SLC38A6: variants seen among roughly 807,000 people sequenced by gnomAD.
SLC38A6 encodes the protein solute carrier family 38 member 6, also known as N system amino acid transporter NAT-1.
A neutral mutation model predicts 65.0 loss-of-function variants in SLC38A6; 73 were observed. That is an observed-to-expected ratio of 1.12 (90% CI 0.93 to 1.37). The LOEUF (loss-of-function observed/expected upper bound fraction) is 1.37. Ranked by LOEUF, SLC38A6 falls within the 40% of genes most tolerant of loss-of-function variation. The pLI is 0.00. For synonymous variants in SLC38A6, 183 were observed against 178.8 expected, an observed-to-expected ratio of 1.02 and a Z score of -0.19; for missense variants, 561 against 531.1, an observed-to-expected ratio of 1.06 and a Z score of -0.55.
chr14:60,982,228 C>T (rs1184280258), intron 1 of SLC38A6: 4 of 500,238 alleles, frequency 8.0e-6, no homozygotes, highest in Non-Finnish European at 1.6e-5. Flanking sequence ...CTATCTTCAT[C>T]TCTTGCAGTC....
At chr14:61,007,447 T>C (rs1047303211) in intron 3 of SLC38A6, among the ~76,000 whole-genome samples, 1 of 151,988 alleles carries the variant, frequency 6.6e-6, no homozygotes, top group African/African-American at 2.4e-5. Context: ...CTGGGCAACA[T>C]AGTGAAACCC....
At chr14:61,078,860 T>C (rs2139997477) in exon 16 of SLC38A6, 1 of 208,354 alleles carries the variant, frequency 4.8e-6, no homozygotes, top group Non-Finnish European at 9.8e-6. Flanking sequence ...TCTCAGCTCA[T>C]TGCAACCTCT....
At chr14:61,054,963 G>C (rs1377860995), downstream of SLC38A6, among the ~76,000 whole-genome samples, 1 of 151,884 alleles carries the variant, frequency 6.6e-6, no homozygotes, top group Non-Finnish European at 1.5e-5. Context: ...ATGCTTCCAG[G>C]TTTTATCTAT....
chr14:61,046,876 A>G (rs935491174), intron 12 of SLC38A6, among the ~76,000 whole-genome samples: 1 of 152,170 alleles, frequency 6.6e-6, no homozygotes, highest in Non-Finnish European at 1.5e-5. Context: ...GTGCCCTGCT[A>G]GAGACGCTAC....
At chr14:60,993,280 TTAAC>T (rs1164227615) in intron 3 of SLC38A6, among the ~76,000 whole-genome samples, 8 of 152,218 alleles carry the variant, frequency 5.3e-5, no homozygotes, top group Non-Finnish European at 8.8e-5. Context: ...CACTGAGTGA[TTAAC>T]TAGCTTGCTT....
chr14:61,016,045 G>A (rs1474667038), intron 4 of SLC38A6, 89 bp downstream of exon 4: 9 of 927,092 alleles, frequency 9.7e-6, no homozygotes, highest in Non-Finnish European at 1.3e-5. Context: ...ATATACAAGA[G>A]GAAGACATTA....
chr14:61,000,196 T>TGTG (rs1566626872), intron 3 of SLC38A6, among the ~76,000 whole-genome samples: 1 of 152,244 alleles, frequency 6.6e-6, no homozygotes, highest in Non-Finnish European at 1.5e-5. Context: ...GCATCTGCCA[T>TGTG]GTGCTTGACA....
chr14:61,026,525 A>G (rs948627022), intron 5 of SLC38A6, among the ~76,000 whole-genome samples: 1 of 152,158 alleles, frequency 6.6e-6, no homozygotes, highest in Admixed American at 6.6e-5. Flanking sequence ...TCTCTGTGAT[A>G]TTCATTTCCT....
At chr14:61,051,719 T>C in intron 13 of SLC38A6, 68 bp from the exon 14 acceptor site, 1 of 1,567,760 alleles carries the variant, frequency 6.4e-7, no homozygotes, top group Non-Finnish European at 8.7e-7. Flanking sequence ...GTTGTATATG[T>C]TTCTCTCAGC....
At chr14:61,078,731 CT>C (rs57476265) in intron 15 of SLC38A6, 102,727 of 154,348 alleles carry the variant, frequency 0.67, 33,915 homozygotes, top group Non-Finnish European at 0.69. Context: ...CCTCTGGCAT[CT>C]TTTTTTTTTT....
At chr14:61,022,728 A>G (rs1476449846) in intron 5 of SLC38A6, among the ~76,000 whole-genome samples, 1 of 152,088 alleles carries the variant, frequency 6.6e-6, no homozygotes, top group Non-Finnish European at 1.5e-5. Context: ...GGTTGTTTAC[A>G]TTAAAACTGA....
Position 61,030,509 on chromosome 14 carries a change from T to TGGA in SLC38A6, c.470_472dup (p.Gly157dup). 6.2e-7 allele frequency: 1 copy of TGGA among 1,609,172 alleles called. No homozygotes were observed. The highest frequency in any genetic ancestry group is 8.5e-7 in the Non-Finnish European group (1 of 1,176,928). ...CTGCTGCTATTGCAGAATTTTTGAC[T>TGGA]GGAGACTATAGTAGGTAAGAAAAAG... On this transcript the variant is annotated inframe_insertion, in exon 6 of 16. Coordinates refer to ENST00000267488, the MANE Select transcript of SLC38A6 (RefSeq NM_153811.3).
chr14:61,023,581 TAATAATA>T (rs1056551659), intron 5 of SLC38A6, among the ~76,000 whole-genome samples: 29 of 19,156 alleles, frequency 1.5e-3, no homozygotes, highest in Non-Finnish European at 2.6e-3. Flanking sequence ...ATAATAATAA[TAATAATA>T]ATATATATAT....
intron 7 of SLC38A6, 75 bp from the exon 8 acceptor site, chr14:61,037,550 A>G: frequency 2.9e-6 from 3 of 1,019,406 alleles, no homozygotes; most frequent in Middle Eastern, 2.1e-4. Flanking sequence ...AAACATGCCT[A>G]AGATGTATAG....
At chr14:61,083,564 C>T in exon 17 of SLC38A6, 1 of 1,550,180 alleles carries the variant, frequency 6.5e-7, no homozygotes, top group Non-Finnish European at 8.7e-7. Flanking sequence ...GGAAGAGATA[C>T]CATGGAGATG....
intron 16 of SLC38A6, among the ~76,000 whole-genome samples, chr14:61,082,764 T>C (rs2043707396): frequency 6.6e-6 from 1 of 152,152 alleles, no homozygotes; most frequent in Admixed American, 6.5e-5. Context: ...GGATCATGCC[T>C]CTGGGCCTCT....
chr14:60,988,687 C>T (rs965761521), intron 3 of SLC38A6, among the ~76,000 whole-genome samples: 3 of 152,208 alleles, frequency 2.0e-5, no homozygotes, highest in African/African-American at 7.2e-5. Context: ...AGACTTCTAT[C>T]AATTCATTGA....
chr14:60,988,498 TCTC>T (rs2037623192), intron 3 of SLC38A6, among the ~76,000 whole-genome samples: 1 of 152,186 alleles, frequency 6.6e-6, no homozygotes, highest in Non-Finnish European at 1.5e-5. Flanking sequence ...AACCTCTTCT[TCTC>T]TAATGATCAT....
At chr14:61,000,010 A>G (rs371767229) in intron 3 of SLC38A6, among the ~76,000 whole-genome samples, 1 of 152,268 alleles carries the variant, frequency 6.6e-6, no homozygotes, top group African/African-American at 2.4e-5. Flanking sequence ...ATATAATGCC[A>G]TAACAATGAA....
Sources: allele counts gnomAD v4.1 joint callset (sites outside exome capture counted in the v4.1 genomes callset), GRCh38; gene constraint gnomAD v4.1.1; transcripts MANE v1.5; gene names NCBI Gene and HGNC (gene_info 2026-07-23, HGNC 2026-07-21).